Variants in WWTR1 observed in about 807,000 individuals in gnomAD.
WWTR1 encodes the protein WW domain containing transcription regulator 1.
In WWTR1, 13 loss-of-function variants were observed where a neutral mutation model predicts 40.1. The ratio of observed to expected loss-of-function variants is 0.32; its 90% CI spans 0.21 to 0.52. WWTR1 has a LOEUF of 0.52. Ranked by LOEUF, WWTR1 falls within the 20% of genes least tolerant of loss-of-function variation. The probability of loss-of-function intolerance (pLI) is 0.97; values close to 1 mark genes in which losing one functional copy is unlikely to be tolerated. For synonymous variants in WWTR1, 230 were observed against 210.1 expected, an observed-to-expected ratio of 1.09 and a Z score of -0.82; for missense variants, 436 against 523.1, an observed-to-expected ratio of 0.83 and a Z score of 1.63.
intron 3 of WWTR1, among the ~76,000 whole-genome samples, chr3:149,556,043 T>G (rs917021149): frequency 6.6e-6 from 1 of 152,196 alleles, no homozygotes; most frequent in African/African-American, 2.4e-5. Context: ...GGAGTACTTG[T>G]GCAAAATCAG....
intron 5 of WWTR1, among the ~76,000 whole-genome samples, chr3:149,715,523 C>A (rs1715586937): frequency 6.6e-6 from 1 of 152,214 alleles, no homozygotes; most frequent in South Asian, 2.1e-4. Flanking sequence ...ACATCCCTTG[C>A]CGCTCCACAC....
intron 4 of WWTR1, among the ~76,000 whole-genome samples, chr3:149,720,137 T>C (rs929674677): frequency 1.3e-5 from 2 of 152,204 alleles, no homozygotes; most frequent in Non-Finnish European, 2.9e-5. Context: ...GTCCAATTTG[T>C]CTGTTTTTTT....
chr3:149,650,994 G>C (rs1048693066), intron 2 of WWTR1, among the ~76,000 whole-genome samples: 2 of 152,214 alleles, frequency 1.3e-5, no homozygotes, highest in African/African-American at 4.8e-5. Flanking sequence ...TTGGGAGAGA[G>C]AGAAGAGAAA....
chr3:149,595,444 G>A (rs1738953085), intron 2 of WWTR1, among the ~76,000 whole-genome samples: 1 of 151,890 alleles, frequency 6.6e-6, no homozygotes, highest in African/African-American at 2.4e-5. Context: ...TTCTTTTTTA[G>A]AGGCAACTAT....
At chr3:149,670,447 ATCTAC>A (rs1714026291) in intron 1 of WWTR1, among the ~76,000 whole-genome samples, 1 of 151,942 alleles carries the variant, frequency 6.6e-6, no homozygotes, top group Admixed American at 6.6e-5. Context: ...CTCCTTCACT[ATCTAC>A]TCTAAGTTTT....
intron 1 of WWTR1, among the ~76,000 whole-genome samples, chr3:149,688,325 G>A (rs934207062): frequency 2.0e-5 from 3 of 152,084 alleles, no homozygotes; most frequent in African/African-American, 4.8e-5. Context: ...GGCCTTGGGC[G>A]AGACCCAGTA....
At chr3:149,660,588 C>G (rs1047049213), upstream of WWTR1, among the ~76,000 whole-genome samples, 2 of 152,238 alleles carry the variant, frequency 1.3e-5, no homozygotes, top group South Asian at 4.1e-4. Context: ...ATAACATTTA[C>G]AGATGTCTTG....
intron 1 of WWTR1, among the ~76,000 whole-genome samples, chr3:149,688,674 GT>G (rs1714726098): frequency 6.6e-6 from 1 of 152,162 alleles, no homozygotes. Flanking sequence ...AGAAATGTGA[GT>G]GCAAACAAGC....
chr3:149,606,510 A>T (rs1242749759), intron 2 of WWTR1, among the ~76,000 whole-genome samples: 1 of 152,204 alleles, frequency 6.6e-6, no homozygotes, highest in Non-Finnish European at 1.5e-5. Flanking sequence ...AGATACACAA[A>T]ACTATGGGGT....
chr3:149,651,829 CTTTTTTT>C (rs764013293), intron 2 of WWTR1, among the ~76,000 whole-genome samples: 18 of 118,022 alleles, frequency 1.5e-4, no homozygotes, highest in African/African-American at 5.7e-4. Flanking sequence ...TATGGATTTT[CTTTTTTT>C]TTTTTTTTTT....
intron 2 of WWTR1, among the ~76,000 whole-genome samples, chr3:149,606,599 A>G (rs1739498392): frequency 1.3e-5 from 2 of 152,190 alleles, no homozygotes; most frequent in Admixed American, 1.3e-4. Flanking sequence ...AGGGGTGGGT[A>G]AAATACCACT....
chr3:149,546,944 A>G (rs114915723), intron 3 of WWTR1, among the ~76,000 whole-genome samples: 2,877 of 152,218 alleles, frequency 0.019, 102 homozygotes, highest in African/African-American at 0.065. Flanking sequence ...GTCTCAACCC[A>G]GGAACCCACC....
chr3:149,649,705 T>G (rs919068195), intron 2 of WWTR1: 3 of 152,008 alleles, frequency 2.0e-5, no homozygotes, highest in African/African-American at 7.3e-5. Flanking sequence ...TCACCTGAGG[T>G]CAGGAGTTTG....
chr3:149,702,224 T>C (rs1185866997), intron 1 of WWTR1: 2 of 152,856 alleles, frequency 1.3e-5, no homozygotes, highest in African/African-American at 2.4e-5. Flanking sequence ...GTTTGCCATA[T>C]ACTAGCAAGA....
At chr3:149,574,003 A>G (rs1181357773) in intron 2 of WWTR1, among the ~76,000 whole-genome samples, 1 of 152,012 alleles carries the variant, frequency 6.6e-6, no homozygotes, top group Non-Finnish European at 1.5e-5. Context: ...TATAAACAGT[A>G]TCAGAAATCT....
intron 2 of WWTR1, among the ~76,000 whole-genome samples, chr3:149,623,283 A>T (rs535362400): frequency 2.6e-5 from 4 of 152,204 alleles, no homozygotes; most frequent in African/African-American, 4.8e-5. Context: ...GAATCACTTG[A>T]ACCTGGGAAG....
chr3:149,698,302 T>C (rs779451198), intron 1 of WWTR1, among the ~76,000 whole-genome samples: 1 of 152,176 alleles, frequency 6.6e-6, no homozygotes, highest in African/African-American at 2.4e-5. Context: ...TCTCACGAGA[T>C]CTGATAGTTT....
intron 2 of WWTR1, among the ~76,000 whole-genome samples, chr3:149,600,779 C>T (rs1156380971): frequency 6.6e-6 from 1 of 152,182 alleles, no homozygotes; most frequent in Non-Finnish European, 1.5e-5. Context: ...GTTTCCGGCA[C>T]CAACTCATGG....
intron 5 of WWTR1, among the ~76,000 whole-genome samples, chr3:149,715,460 C>A (rs1167660929): frequency 6.6e-6 from 1 of 152,254 alleles, no homozygotes; most frequent in Non-Finnish European, 1.5e-5. Flanking sequence ...TGCCTGCCCC[C>A]TGGCAGCAGC....
Sources: gnomAD v4.1 joint callset for allele counts (sites outside exome capture counted in the v4.1 genomes callset) on GRCh38, gnomAD v4.1.1 for gene constraint, MANE v1.5 for transcripts, NCBI Gene and HGNC (gene_info 2026-07-23, HGNC 2026-07-21) for gene names.